Variants in PIBF1 observed in about 807,000 individuals in gnomAD.
The protein encoded by PIBF1 is progesterone immunomodulatory binding factor 1, also known as progesterone-induced-blocking factor 1.
In PIBF1, 90 loss-of-function variants were observed where a neutral mutation model predicts 112.5. The ratio of observed to expected loss-of-function variants is 0.80; its 90% CI spans 0.67 to 0.95. The LOEUF (loss-of-function observed/expected upper bound fraction) is 0.95, where lower values mean the gene tolerates loss of function less well. Among genes scored for constraint, PIBF1 ranks in the 40% least tolerant of loss-of-function variants. PIBF1 has a pLI of 0.00. For synonymous variants in PIBF1, 301 were observed against 288.6 expected (o/e 1.04, Z -0.44); for missense variants, 915 against 852.3 (o/e 1.07, Z -0.92).
intron 17 of PIBF1, among the ~76,000 whole-genome samples, chr13:73,001,482 A>G (rs1054074400): frequency 6.6e-6 from 1 of 151,160 alleles, no homozygotes; most frequent in Non-Finnish European, 1.5e-5. Flanking sequence ...GCGTTTCCAT[A>G]TGCATTGACA....
chr13:72,805,027 G>A (rs895214617), intron 5 of PIBF1, among the ~76,000 whole-genome samples: 22 of 152,282 alleles, frequency 1.4e-4, no homozygotes, highest in African/African-American at 5.1e-4. Flanking sequence ...AGGCTGCAGT[G>A]CAGTGGTACA....
chr13:72,792,575 AC>A (rs1373312139), intron 3 of PIBF1, 28 bp downstream of exon 3: 22 of 1,154,476 alleles, frequency 1.9e-5, no homozygotes, highest in Non-Finnish European at 2.5e-5. Context: ...TAAAAAAAAA[AC>A]AACATCTATT....
chr13:72,841,158 G>A (rs1044337955), intron 9 of PIBF1, among the ~76,000 whole-genome samples: 7 of 152,140 alleles, frequency 4.6e-5, no homozygotes, highest in African/African-American at 9.7e-5. Context: ...GTATGCTTTG[G>A]TCCAGTTTGT....
Position 72,973,595 on chromosome 13 carries a change from TTAAA to T in PIBF1, c.1974_1977del (p.Asn658LysfsTer15), listed in dbSNP as rs146814641. On this transcript the variant is annotated frameshift_variant, in exon 16 of 18. Coordinates refer to ENST00000326291, the MANE Select transcript of PIBF1 (RefSeq NM_006346.4). LOFTEE classifies it high-confidence loss of function. ...AACTGGGGTTTTTTTTTTCAGCAAC[TTAAA>T]TAAAGAAAAGTCAGCTTTACTACAG... The T allele has an allele frequency of 1.0e-4, 153 of 1,535,962 alleles. No individual in the cohort carries two copies. The highest frequency in any genetic ancestry group is 1.2e-4 in the Non-Finnish European group (135 of 1,135,086).
rs896778632 is a variant in PIBF1, at chr13:72,948,995, G to T, written c.1834-16279G>T. Among the ~76,000 whole-genome samples the T allele has an allele frequency of 2.0e-5, 3 of 152,170 alleles. No homozygotes were observed. The South Asian group carries it at 6.2e-4, about 32-fold the overall frequency. On this transcript the variant is annotated intron_variant, in intron 14 of 17. Transcript: ENST00000326291. ...ACACAAAGCCTAACCATATCAACAAGTATATCAAAGAAGAATCAAAGAATT... is the reference window on the plus strand; with the variant it reads ...ACACAAAGCCTAACCATATCAACAATTATATCAAAGAAGAATCAAAGAATT...
intron 14 of PIBF1, among the ~76,000 whole-genome samples, chr13:72,936,550 G>T (rs1473467408): frequency 1.3e-5 from 2 of 152,154 alleles, no homozygotes; most frequent in African/African-American, 4.8e-5. Context: ...GATTGAAATT[G>T]ATATGTTTGC....
chr13:72,836,776 A>G (rs1270444702), intron 9 of PIBF1, among the ~76,000 whole-genome samples: 1 of 152,136 alleles, frequency 6.6e-6, no homozygotes, highest in Non-Finnish European at 1.5e-5. Context: ...GACTTAGTAG[A>G]AAGTCATAAA....
At chr13:72,846,005 C>T (rs2037858871) in intron 9 of PIBF1, among the ~76,000 whole-genome samples, 1 of 152,150 alleles carries the variant, frequency 6.6e-6, no homozygotes, top group African/African-American at 2.4e-5. Flanking sequence ...CAATCTTTAG[C>T]TTCCATAGTG....
intron 10 of PIBF1, among the ~76,000 whole-genome samples, chr13:72,861,995 A>G (rs2038717435): frequency 6.6e-6 from 1 of 152,220 alleles, no homozygotes; most frequent in South Asian, 2.1e-4. Context: ...TTTCTAGAGC[A>G]GAAAAAAGAA....
intron 10 of PIBF1, among the ~76,000 whole-genome samples, chr13:72,872,554 G>A (rs1457326481): frequency 6.6e-6 from 1 of 152,178 alleles, no homozygotes; most frequent in Non-Finnish European, 1.5e-5. Context: ...TTTGGGAAGA[G>A]ATTTAATAAT....
At chr13:72,834,759 C>G (rs1247766960) in intron 8 of PIBF1, among the ~76,000 whole-genome samples, 2 of 152,122 alleles carry the variant, frequency 1.3e-5, no homozygotes, top group Non-Finnish European at 2.9e-5. Flanking sequence ...CTATATAATA[C>G]TTCGACTTGG....
chr13:72,795,341 A>T lies in PIBF1; in HGVS notation c.354-18A>T, dbSNP rs771676570. 2 of 1,477,868 alleles carry T rather than the reference A, an allele frequency of 1.4e-6. No individual in the cohort carries two copies. Among genetic ancestry groups the T allele is most frequent in the East Asian group, 2.3e-5 (1 of 43,964 alleles). The allele number at this position is 1,477,868 out of a possible 1,614,324, so 91.5% of individuals were successfully genotyped here. A position where few individuals can be genotyped will look rare whatever the true frequency, so the allele number is the denominator to read the frequency against. Reference sequence around the variant, plus strand: ...AAATACTTTTTTAAAGCCTGCCATAAATTCTCTTCTAATGTAGCAAATATC... The same window carrying T: ...AAATACTTTTTTAAAGCCTGCCATATATTCTCTTCTAATGTAGCAAATATC... On this transcript the variant is annotated intron_variant, in intron 3 of 17. Transcript: ENST00000326291.
chr13:72,834,675 G>A (rs2037275702), intron 8 of PIBF1, among the ~76,000 whole-genome samples: 1 of 151,972 alleles, frequency 6.6e-6, no homozygotes, highest in African/African-American at 2.4e-5. Flanking sequence ...TAAAGGTAAA[G>A]GTAAAGGTAA....
chr13:73,006,809 A>G (rs1379267742), intron 17 of PIBF1, among the ~76,000 whole-genome samples: 1 of 152,124 alleles, frequency 6.6e-6, no homozygotes, highest in African/African-American at 2.4e-5. Context: ...GTGACACAGA[A>G]GTATCTATCT....
At chr13:72,955,098 A>G (rs141617000) in intron 14 of PIBF1, among the ~76,000 whole-genome samples, 130 of 152,300 alleles carry the variant, frequency 8.5e-4, no homozygotes, top group African/African-American at 3.0e-3. Context: ...GGTTGTTCTG[A>G]TATGGAATTA....
intron 13 of PIBF1, among the ~76,000 whole-genome samples, chr13:72,919,248 A>G (rs1656769877): frequency 6.6e-6 from 1 of 152,242 alleles, no homozygotes; most frequent in Non-Finnish European, 1.5e-5. Flanking sequence ...AAAGTGATGT[A>G]GAATATAGAG....
At chr13:72,882,344 C>T (rs2039677222) in intron 10 of PIBF1, among the ~76,000 whole-genome samples, 1 of 152,088 alleles carries the variant, frequency 6.6e-6, no homozygotes, top group South Asian at 2.1e-4. Context: ...ACTACTAAAA[C>T]ATTGGAGAAA....
chr13:72,974,769 C>A (rs2042978918), intron 16 of PIBF1, among the ~76,000 whole-genome samples: 1 of 152,170 alleles, frequency 6.6e-6, no homozygotes. Flanking sequence ...AATTAATGTA[C>A]ACATTTTAAT....
At chr13:72,979,778 C>G (rs2043110437) in intron 16 of PIBF1, among the ~76,000 whole-genome samples, 1 of 151,946 alleles carries the variant, frequency 6.6e-6, no homozygotes. Flanking sequence ...AAAATTTAGC[C>G]AGGCATGGTG....
Sources: allele counts gnomAD v4.1 joint callset (sites outside exome capture counted in the v4.1 genomes callset), GRCh38; gene constraint gnomAD v4.1.1; transcripts MANE v1.5; gene names NCBI Gene and HGNC (gene_info 2026-07-23, HGNC 2026-07-21).